ERC2: variants seen among roughly 807,000 people sequenced by gnomAD.
The protein encoded by ERC2 is ELKS/RAB6-interacting/CAST family member 2.
A neutral mutation model predicts 114.8 loss-of-function variants in ERC2; 42 were observed. That is an observed-to-expected ratio of 0.37 (90% CI 0.29 to 0.47). The LOEUF (loss-of-function observed/expected upper bound fraction) is 0.47. ERC2 is among the 20% of genes least tolerant of loss of function. The pLI, the probability that ERC2 is intolerant of heterozygous loss-of-function variation, is 0.99. For synonymous variants in ERC2, 454 were observed against 425.5 expected (o/e 1.07, Z -0.82); for missense variants, 939 against 1,150.7 (o/e 0.82, Z 2.66).
At chr3:56,368,489 C>A (rs2059238996) in intron 2 of ERC2, among the ~76,000 whole-genome samples, 1 of 152,172 alleles carries the variant, frequency 6.6e-6, no homozygotes, top group Admixed American at 6.5e-5. Context: ...AGAAGATAAC[C>A]TTCAACAACA....
intron 1 of ERC2, among the ~76,000 whole-genome samples, chr3:56,442,989 G>A (rs990127811): frequency 6.6e-6 from 1 of 152,122 alleles, no homozygotes; most frequent in Non-Finnish European, 1.5e-5. Context: ...ACTGCTTTAA[G>A]GGCAGGTACA....
chr3:55,598,798 A>G (rs1022655855), intron 17 of ERC2, among the ~76,000 whole-genome samples: 2 of 152,262 alleles, frequency 1.3e-5, no homozygotes, highest in Admixed American at 6.5e-5. Flanking sequence ...GGGGCAGTCA[A>G]GATCACAGCA....
intron 10 of ERC2, among the ~76,000 whole-genome samples, chr3:56,001,191 A>G (rs2072025575): frequency 6.6e-6 from 1 of 151,946 alleles, no homozygotes; most frequent in Non-Finnish European, 1.5e-5. Context: ...GAGAAGAAGA[A>G]CAGCAACAAC....
At chr3:56,439,673 A>G (rs961723876) in intron 1 of ERC2, among the ~76,000 whole-genome samples, 3 of 151,988 alleles carry the variant, frequency 2.0e-5, no homozygotes, top group Non-Finnish European at 4.4e-5. Flanking sequence ...GGTTTTATTA[A>G]TATATTTTAC....
rs575631460 is a variant in ERC2 at position 55,681,947 on chromosome 3, C to T, written c.*39+1847G>A. ...AGGAGGAAACACAAGTGCAGCCTAG[C>T]GCCCTGATACTCATGATGGCAGAAG... On this transcript the variant is annotated intron_variant, in intron 17 of 17. Coordinates refer to ENST00000288221, the MANE Select transcript of ERC2 (RefSeq NM_015576.3). Among the ~76,000 whole-genome samples, 133 of 152,268 alleles carry T rather than the reference C, an allele frequency of 8.7e-4. 4 individuals carry two copies. In the South Asian group the frequency reaches 0.021, roughly 24 times the overall value.
chr3:56,029,024 T>TTG (rs2074220038), intron 7 of ERC2, among the ~76,000 whole-genome samples: 2 of 152,102 alleles, frequency 1.3e-5, no homozygotes, highest in Non-Finnish European at 2.9e-5. Flanking sequence ...GGGTATTGAA[T>TTG]TGTGTAAAGT....
intron 17 of ERC2, among the ~76,000 whole-genome samples, chr3:55,539,812 G>A (rs947938384): frequency 1.3e-5 from 2 of 151,626 alleles, no homozygotes; most frequent in African/African-American, 4.8e-5. Flanking sequence ...TTGGCCAAAT[G>A]TTTGTGATTA....
In ERC2 at chr3:55,884,265, C is replaced by T. The variant is rs373802839; in HGVS notation, c.2564+4124G>A. On this transcript the variant is annotated intron_variant, in intron 14 of 17. Transcript: ENST00000288221. The stretch of plus-strand genomic sequence containing the variant: ...TTGAGTAATTAAAAATAATGCAATC[C>T]TATGTTTGCAACATAGAAGGTTGTT... Among the ~76,000 whole-genome samples the T allele has an allele frequency of 9.9e-5, 15 of 152,218 alleles. 1 individual carries two copies. The highest frequency in any genetic ancestry group is 4.1e-4 in the South Asian group (2 of 4,826).
At chr3:56,339,266 G>A (rs1422739765) in intron 2 of ERC2, among the ~76,000 whole-genome samples, 1 of 152,192 alleles carries the variant, frequency 6.6e-6, no homozygotes, top group Non-Finnish European at 1.5e-5. Context: ...ACCTTAACCA[G>A]ACTAGAGGAT....
intron 2 of ERC2, among the ~76,000 whole-genome samples, chr3:56,305,824 T>G (rs2056188517): frequency 6.6e-6 from 1 of 152,220 alleles, no homozygotes; most frequent in Non-Finnish European, 1.5e-5. Context: ...CACAGCCATA[T>G]CCATTGACAT....
At chr3:55,984,797 C>T (rs1187834517) in intron 12 of ERC2, among the ~76,000 whole-genome samples, 1 of 152,122 alleles carries the variant, frequency 6.6e-6, no homozygotes, top group East Asian at 1.9e-4. Flanking sequence ...TTGGGGGATA[C>T]GCAGTGTGGT....
intron 14 of ERC2, among the ~76,000 whole-genome samples, chr3:55,856,668 CTA>C (rs899893625): frequency 7.2e-5 from 11 of 152,006 alleles, no homozygotes; most frequent in African/African-American, 2.7e-4. Context: ...AGAAAAATAT[CTA>C]TACCCAAGAG....
At chr3:55,853,810 A>G (rs919478226) in intron 14 of ERC2, among the ~76,000 whole-genome samples, 2 of 152,198 alleles carry the variant, frequency 1.3e-5, no homozygotes, top group African/African-American at 2.4e-5. Context: ...CAGTTTGGGA[A>G]CATGAAAAGA....
chr3:55,686,873 C>G (rs1189173718), intron 16 of ERC2, among the ~76,000 whole-genome samples: 1 of 152,158 alleles, frequency 6.6e-6, no homozygotes, highest in Non-Finnish European at 1.5e-5. Flanking sequence ...GGAAGAAAGA[C>G]TCTAGTCCAT....
At chr3:56,433,928 A>G (rs2061902882) in intron 2 of ERC2, 1 of 172,734 alleles carries the variant, frequency 5.8e-6, no homozygotes, top group East Asian at 1.5e-4. Context: ...TTCAAAATAA[A>G]AATCAATTCA....
At chr3:55,759,090 G>T (rs1235067348) in intron 14 of ERC2, among the ~76,000 whole-genome samples, 3 of 152,104 alleles carry the variant, frequency 2.0e-5, no homozygotes, top group Non-Finnish European at 2.9e-5. Context: ...AACTTCAGAA[G>T]CAACTCTGTT....
intron 17 of ERC2, among the ~76,000 whole-genome samples, chr3:55,650,368 C>G (rs1270745855): frequency 6.6e-6 from 1 of 152,184 alleles, no homozygotes; most frequent in Non-Finnish European, 1.5e-5. Context: ...CATCTCTCCC[C>G]CCATCTCACT....
chr3:56,285,823 G>A (rs1011704771), intron 3 of ERC2, among the ~76,000 whole-genome samples: 1 of 152,208 alleles, frequency 6.6e-6, no homozygotes, highest in East Asian at 1.9e-4. Context: ...CACTAATTGT[G>A]TAGGGCTAAA....
At chr3:56,066,136 T>C (rs2076470846) in intron 7 of ERC2, among the ~76,000 whole-genome samples, 2 of 152,176 alleles carry the variant, frequency 1.3e-5, no homozygotes, top group African/African-American at 4.8e-5. Flanking sequence ...TCTCCCACAG[T>C]GGTTGAACTA....
Sources: allele counts gnomAD v4.1 joint callset (sites outside exome capture counted in the v4.1 genomes callset), GRCh38; gene constraint gnomAD v4.1.1; transcripts MANE v1.5; gene names NCBI Gene and HGNC (gene_info 2026-07-23, HGNC 2026-07-21).